The following KHDRBS2 variants were observed in gnomAD, a reference collection of about 807,000 sequenced individuals.
The protein encoded by KHDRBS2 is KH domain-containing, RNA-binding, signal transduction-associated protein 2.
KHDRBS2 carries 26 observed loss-of-function variants against 44.3 expected under a neutral mutation model. The observed-to-expected ratio is 0.59, with a 90% CI of 0.43 to 0.81. The LOEUF is 0.81. Among genes scored for constraint, KHDRBS2 ranks in the 40% least tolerant of loss-of-function variants. The pLI is 0.00. For missense variants in KHDRBS2, 476 were observed against 433.1 expected (o/e 1.10, Z -0.88); for synonymous variants, 194 against 151.1 (o/e 1.28, Z -2.08).
chr6:61,753,712 G>A (rs1416721223), intron 6 of KHDRBS2, among the ~76,000 whole-genome samples: 1 of 152,146 alleles, frequency 6.6e-6, no homozygotes, highest in Non-Finnish European at 1.5e-5. Flanking sequence ...TACAATTAAT[G>A]TGTGTTGTAA....
At chr6:61,928,507 C>A (rs1199152576) in intron 4 of KHDRBS2, among the ~76,000 whole-genome samples, 1 of 151,892 alleles carries the variant, frequency 6.6e-6, no homozygotes, top group Non-Finnish European at 1.5e-5. Flanking sequence ...ATTTTAAGTA[C>A]TAAATTATTC....
At chr6:62,013,483 A>C in intron 3 of KHDRBS2, among the ~76,000 whole-genome samples, 1 of 59,748 alleles carries the variant, frequency 1.7e-5, no homozygotes, top group African/African-American at 6.8e-5. Flanking sequence ...TTAAAATAAT[A>C]GAATTTTATT....
chr6:61,598,992 G>A, the KHDRBS2 span, among the ~76,000 whole-genome samples: 13 of 151,908 alleles, frequency 8.6e-5, no homozygotes, highest in African/African-American at 1.2e-4. Context: ...GAAGTGCAAT[G>A]GCGTGATCTT....
intron 6 of KHDRBS2, among the ~76,000 whole-genome samples, chr6:61,744,065 T>C (rs1186942476): frequency 6.6e-6 from 1 of 152,106 alleles, no homozygotes; most frequent in African/African-American, 2.4e-5. Flanking sequence ...GTCTCTGCTA[T>C]TGTGAATAGT....
At chr6:61,789,094 T>C (rs953183752) in intron 6 of KHDRBS2, among the ~76,000 whole-genome samples, 2 of 151,416 alleles carry the variant, frequency 1.3e-5, no homozygotes, top group Non-Finnish European at 3.0e-5. Flanking sequence ...TATCTTGTAA[T>C]TTATATAAAA....
At chr6:62,125,027 CTTGT>C (rs368712009) in intron 2 of KHDRBS2, among the ~76,000 whole-genome samples, 1 of 152,012 alleles carries the variant, frequency 6.6e-6, no homozygotes, top group Non-Finnish European at 1.5e-5. Context: ...TTCTTGGCCA[CTTGT>C]TTGTCTTTTG....
At chr6:61,909,435 C>T (rs1805651685) in intron 4 of KHDRBS2, among the ~76,000 whole-genome samples, 1 of 151,970 alleles carries the variant, frequency 6.6e-6, no homozygotes, top group South Asian at 2.1e-4. Context: ...AAATAATTCG[C>T]TTTTTTGCTA....
the KHDRBS2 span, among the ~76,000 whole-genome samples, chr6:61,561,334 T>G: frequency 2.5e-4 from 38 of 152,258 alleles, no homozygotes; most frequent in Admixed American, 1.4e-3. Flanking sequence ...ATTACAGTAC[T>G]GAATCTTACC....
intron 6 of KHDRBS2, among the ~76,000 whole-genome samples, chr6:61,816,353 T>G (rs1440421253): frequency 6.6e-6 from 1 of 152,062 alleles, no homozygotes; most frequent in African/African-American, 2.4e-5. Flanking sequence ...AAATGGCTGG[T>G]GTCCTAATAT....
chr6:62,239,737 G>A (rs1373108135), intron 1 of KHDRBS2, among the ~76,000 whole-genome samples: 2 of 152,072 alleles, frequency 1.3e-5, no homozygotes, highest in Non-Finnish European at 2.9e-5. Flanking sequence ...CTAGGCTGGA[G>A]TGCAGTGGCG....
chr6:62,190,893 G>A (rs1190181103), intron 1 of KHDRBS2, among the ~76,000 whole-genome samples: 1 of 151,992 alleles, frequency 6.6e-6, no homozygotes, highest in Non-Finnish European at 1.5e-5. Context: ...TCTCTCATAT[G>A]GAGCTTCTCC....
intron 1 of KHDRBS2, among the ~76,000 whole-genome samples, chr6:62,240,717 T>TAA (rs1491021557): frequency 6.7e-5 from 8 of 119,616 alleles, no homozygotes; most frequent in East Asian, 2.6e-4. Context: ...TATATATATA[T>TAA]AAACATGAGT....
At chr6:62,161,852 ACT>A (rs1817730794) in intron 2 of KHDRBS2, among the ~76,000 whole-genome samples, 1 of 151,948 alleles carries the variant, frequency 6.6e-6, no homozygotes, top group African/African-American at 2.4e-5. Context: ...AAATTATAAC[ACT>A]CTAATTTGAA....
the KHDRBS2 span, among the ~76,000 whole-genome samples, chr6:61,594,024 T>G: frequency 0.81 from 122,398 of 151,852 alleles, 49,812 homozygotes; most frequent in African/African-American, 0.91. Flanking sequence ...AAAGAAAAAA[T>G]ATCTTTATTG....
At chr6:61,959,035 C>T (rs1430518049) in intron 4 of KHDRBS2, among the ~76,000 whole-genome samples, 4 of 152,282 alleles carry the variant, frequency 2.6e-5, no homozygotes, top group East Asian at 1.9e-4. Context: ...ACTTCAACAA[C>T]GTCTGTTCTT....
intron 2 of KHDRBS2, among the ~76,000 whole-genome samples, chr6:62,130,970 G>A (rs1562931015): frequency 6.6e-6 from 1 of 151,942 alleles, no homozygotes; most frequent in Admixed American, 6.6e-5. Flanking sequence ...GCAAGTTAAG[G>A]AAGACCTGTA....
intron 4 of KHDRBS2, among the ~76,000 whole-genome samples, chr6:61,954,548 A>G (rs1265496113): frequency 1.4e-5 from 2 of 147,496 alleles, no homozygotes; most frequent in Non-Finnish European, 3.0e-5. Context: ...ATACATATAT[A>G]TGTATATATA....
At chr6:61,766,650 T>C (rs568211550) in intron 6 of KHDRBS2, among the ~76,000 whole-genome samples, 22 of 152,204 alleles carry the variant, frequency 1.4e-4, no homozygotes, top group African/African-American at 4.6e-4. Context: ...TAGGTTTTGG[T>C]ATGTTATATT....
intron 4 of KHDRBS2, among the ~76,000 whole-genome samples, chr6:61,957,877 T>C (rs1000627467): frequency 6.6e-6 from 1 of 152,190 alleles, no homozygotes; most frequent in African/African-American, 2.4e-5. Flanking sequence ...GGGAGCATCA[T>C]GGAACCTGCT....
Sources: allele counts gnomAD v4.1 joint callset (sites outside exome capture counted in the v4.1 genomes callset), GRCh38; gene constraint gnomAD v4.1.1; transcripts MANE v1.5; gene names NCBI Gene and HGNC (gene_info 2026-07-23, HGNC 2026-07-21).